The following NFIB variants were observed in gnomAD, a reference collection of about 807,000 sequenced individuals.
The protein encoded by NFIB is nuclear factor 1 B-type.
A neutral mutation model predicts 61.5 loss-of-function variants in NFIB; 11 were observed. The observed-to-expected ratio is 0.18, with a 90% CI of 0.11 to 0.30. The LOEUF (loss-of-function observed/expected upper bound fraction) is 0.30. Ranked by LOEUF, NFIB falls within the 10% of genes least tolerant of loss-of-function variation. The pLI is 1.00. For synonymous variants in NFIB, 260 were observed against 216.5 expected, an observed-to-expected ratio of 1.20 and a Z score of -1.76; for missense variants, 471 against 608.9, an observed-to-expected ratio of 0.77 and a Z score of 2.38.
At chr9:14,200,647 C>A (rs542928803) in intron 2 of NFIB, among the ~76,000 whole-genome samples, 11 of 152,198 alleles carry the variant, frequency 7.2e-5, no homozygotes, top group African/African-American at 2.6e-4. Context: ...TTCTTAGGTC[C>A]AATCCTCTAT....
chr9:14,151,124 G>A (rs574658901), intron 4 of NFIB, among the ~76,000 whole-genome samples: 13 of 152,086 alleles, frequency 8.5e-5, no homozygotes, highest in African/African-American at 2.4e-4. Context: ...AATAATAACC[G>A]GACACATAGG....
the NFIB span, among the ~76,000 whole-genome samples, chr9:14,522,470 A>T: frequency 1.8e-4 from 27 of 152,098 alleles, no homozygotes; most frequent in African/African-American, 5.1e-4. Context: ...ATGTATGGAT[A>T]AAAAAAAGCA....
At chr9:14,132,776 G>C (rs2040550677) in intron 6 of NFIB, among the ~76,000 whole-genome samples, 1 of 152,130 alleles carries the variant, frequency 6.6e-6, no homozygotes, top group Non-Finnish European at 1.5e-5. Flanking sequence ...ATATTGCCCA[G>C]GCTGGTCTGG....
chr9:14,178,625 TAAAA>T (rs1482194753), intron 3 of NFIB, among the ~76,000 whole-genome samples: 1 of 152,112 alleles, frequency 6.6e-6, no homozygotes, highest in Non-Finnish European at 1.5e-5. Flanking sequence ...TTTTCTGAAA[TAAAA>T]AAACATAGGA....
chr9:14,526,780 T>C, the NFIB span, among the ~76,000 whole-genome samples: 1 of 152,224 alleles, frequency 6.6e-6, no homozygotes, highest in Non-Finnish European at 1.5e-5. Context: ...TATCTCTCTT[T>C]GTTGACTAGT....
chr9:14,276,777 T>TG (rs1418028305), intron 2 of NFIB, among the ~76,000 whole-genome samples: 1 of 152,148 alleles, frequency 6.6e-6, no homozygotes, highest in East Asian at 1.9e-4. Context: ...TCTTAGGGAC[T>TG]GTTTGCCTTC....
At chr9:14,338,999 G>C (rs1564017302) in intron 1 of NFIB, among the ~76,000 whole-genome samples, 4 of 152,126 alleles carry the variant, frequency 2.6e-5, no homozygotes, top group Non-Finnish European at 4.4e-5. Flanking sequence ...ATCAAAGATG[G>C]AAACATTCTG....
At chr9:14,130,217 T>C (rs893083419) in intron 6 of NFIB, among the ~76,000 whole-genome samples, 9 of 151,868 alleles carry the variant, frequency 5.9e-5, no homozygotes, top group African/African-American at 2.2e-4. Flanking sequence ...ATCTTTCTCA[T>C]TGCAAGATCT....
intron 2 of NFIB, among the ~76,000 whole-genome samples, chr9:14,197,346 A>T (rs888660792): frequency 1.6e-5 from 2 of 121,492 alleles, no homozygotes; most frequent in Non-Finnish European, 3.4e-5. Flanking sequence ...AGAACAATGA[A>T]TCTGATAGGA....
chr9:14,423,347 C>T, the NFIB span, among the ~76,000 whole-genome samples: 2 of 152,192 alleles, frequency 1.3e-5, no homozygotes, highest in South Asian at 2.1e-4. Flanking sequence ...GATGTTTTCT[C>T]GTGCTAAAGC....
At chr9:14,501,761 G>A in the NFIB span, among the ~76,000 whole-genome samples, 1 of 152,222 alleles carries the variant, frequency 6.6e-6, no homozygotes. Context: ...GAGGGAAAGA[G>A]CACGGAGGGC....
chr9:14,379,292 T>G (rs1043757286), intron 1 of NFIB, among the ~76,000 whole-genome samples: 3 of 151,730 alleles, frequency 2.0e-5, no homozygotes, highest in Non-Finnish European at 4.4e-5. Flanking sequence ...TGAGCAGGAG[T>G]GGGAGTGGAA....
intron 1 of NFIB, among the ~76,000 whole-genome samples, chr9:14,360,178 T>A (rs1167304164): frequency 2.6e-5 from 4 of 152,188 alleles, no homozygotes; most frequent in Admixed American, 1.3e-4. Context: ...CTGAATTCAA[T>A]CATGTTCATT....
chr9:14,116,327 A>G lies in NFIB; in HGVS notation c.1265T>C (p.Val422Ala). The change falls in exon 9 of 11, where the codon GTA (valine) becomes GCA (alanine). Residue 422 changes from valine to alanine, a missense_variant. Physicochemically the swap from Val to Ala is moderately conservative, Grantham distance 64. Around this residue, in one of 2 missense-constraint regions of NFIB, gnomAD observed 372 missense variants for 395.6 expected, o/e 0.94. Transcript: ENST00000380953. ...GAAATGGCCAGGCACTTTCCCTACT[A>G]CTTGACCACTGCCGTTAGGCTACAA... is the stretch of plus-strand genomic sequence containing the variant. ...QTSQPNGSGQ[V>A]VGKVPGHFTP... 6.6e-7 allele frequency: 1 copy of G among 1,523,432 alleles called. No individual in the cohort carries two copies. The highest frequency in any genetic ancestry group is 8.8e-7 in the Non-Finnish European group (1 of 1,134,300). The allele number at this position is 1,523,432 out of a possible 1,614,324, so 94.4% of individuals were successfully genotyped here.
intron 1 of NFIB, among the ~76,000 whole-genome samples, chr9:14,379,594 C>A (rs1033782469): frequency 6.6e-6 from 1 of 152,158 alleles, no homozygotes; most frequent in Non-Finnish European, 1.5e-5. Context: ...CACTTTGGCT[C>A]TGCATGAGAG....
At chr9:14,186,635 T>G (rs2047361752) in intron 2 of NFIB, among the ~76,000 whole-genome samples, 1 of 151,878 alleles carries the variant, frequency 6.6e-6, no homozygotes, top group Non-Finnish European at 1.5e-5. Context: ...AACCTTCTTC[T>G]CTCTTCCCCT....
chr9:14,116,789 CATG>C (rs2038213383), intron 8 of NFIB, among the ~76,000 whole-genome samples: 1 of 152,194 alleles, frequency 6.6e-6, no homozygotes, highest in Non-Finnish European at 1.5e-5. Flanking sequence ...TTTTCACCTA[CATG>C]ATGATATCAC....
chr9:14,090,916 T>C (rs2033801227), intron 10 of NFIB, among the ~76,000 whole-genome samples: 1 of 152,046 alleles, frequency 6.6e-6, no homozygotes, highest in Non-Finnish European at 1.5e-5. Context: ...CTTACTCAGT[T>C]CTTTAGAAGA....
chr9:14,186,762 G>T (rs1446273563), intron 2 of NFIB, among the ~76,000 whole-genome samples: 1 of 147,858 alleles, frequency 6.8e-6, no homozygotes, highest in Non-Finnish European at 1.5e-5. Context: ...ACATAATTTG[G>T]CTTTTTTTTT....
Sources: gnomAD v4.1 joint callset for allele counts (sites outside exome capture counted in the v4.1 genomes callset) on GRCh38, gnomAD v4.1.1 for gene constraint, gnomAD v4.1.1 regional missense constraint, MANE v1.5 for transcripts, NCBI Gene and HGNC (gene_info 2026-07-23, HGNC 2026-07-21) for gene names.